Variants in ZNF534 observed in about 807,000 individuals in gnomAD.
The protein encoded by ZNF534 is KRAB domain only 3.
ZNF534 carries 19 observed loss-of-function variants against 13.6 expected under a neutral mutation model. The ratio of observed to expected loss-of-function variants is 1.40; its 90% CI spans 0.97 to 2.05. The LOEUF (loss-of-function observed/expected upper bound fraction) is 2.05, where lower values mean the gene tolerates loss of function less well. Ranked by LOEUF, ZNF534 falls within the 30% of genes most tolerant of loss-of-function variation. The pLI is 0.00. For missense variants in ZNF534, 782 were observed against 796.3 expected, an observed-to-expected ratio of 0.98 and a Z score of 0.22; for synonymous variants, 244 against 273.8, an observed-to-expected ratio of 0.89 and a Z score of 1.07.
downstream of ZNF534, among the ~76,000 whole-genome samples, chr19:52,444,129 G>T (rs975827562): frequency 6.6e-6 from 1 of 151,894 alleles, no homozygotes; most frequent in Non-Finnish European, 1.5e-5. Context: ...ATTTGGGTAG[G>T]CTGTCAGAGG....
chr19:52,439,158 G>A lies in ZNF534; in HGVS notation c.1698G>A (p.Ala566=), dbSNP rs113700997. The change falls in exon 5 of 5, where the codon GCG becomes GCA. Residue 566 remains alanine, a synonymous_variant. Transcript: ENST00000433050. ...GKVFSRNSHL[A]RHRNIHTGEK... is the part of the protein sequence containing the mutation. ...TCTTCAGTCGGAATTCACACCTTGC[G>A]CGACATAGGAATATTCATACTGGAG... 2.7e-5 allele frequency: 42 copies of A among 1,529,188 alleles called. 1 individual carries two copies. Among genetic ancestry groups the A allele is most frequent in the Admixed American group, 3.8e-5 (2 of 52,000 alleles). The allele number at this position is 1,529,188 out of a possible 1,614,324, so 94.7% of individuals were successfully genotyped here. A position where few individuals can be genotyped will look rare whatever the true frequency, so the allele number is the denominator to read the frequency against.
chr19:52,437,859 G>A lies in ZNF534; in HGVS notation c.399G>A (p.Lys133=), dbSNP rs377218145. ...FQAVRNIYGC[K]HVEKSISDNS... Reference sequence around the variant, plus strand: ...CTGTAAGGAATATTTATGGATGTAAGCATGTTGAGAAATCTATCAGTGACA... The same window carrying A: ...CTGTAAGGAATATTTATGGATGTAAACATGTTGAGAAATCTATCAGTGACA... The change falls in exon 5 of 5, where the codon AAG becomes AAA. Residue 133 remains lysine, a synonymous_variant. Transcript: ENST00000433050. 1.4e-5 allele frequency: 23 copies of A among 1,613,846 alleles called. No individual in the cohort carries two copies. The African/African-American group carries it at 2.8e-4, about 20-fold the overall frequency.
At chr19:52,451,674 C>T (rs114653548) in exon 5 of ZNF534, 239 of 665,136 alleles carry the variant, frequency 3.6e-4, no homozygotes, top group African/African-American at 2.7e-3. Context: ...GCGCTTCCTT[C>T]TGGATGTTAT....
rs4802939 is a variant in ZNF534, at chr19:52,439,795, A to G, written c.*349A>G. ...AAAAAAATGAGTGAAGCTGCCAAGCATGGTGGCTCACGCCTTTAATCCCAG... is the reference window on the plus strand; with the variant it reads ...AAAAAAATGAGTGAAGCTGCCAAGCGTGGTGGCTCACGCCTTTAATCCCAG... On this transcript the variant is annotated 3_prime_UTR_variant, in exon 5 of 5. Transcript: ENST00000433050. Among the ~76,000 whole-genome samples, 138,406 of 152,066 alleles carry G rather than the reference A, an allele frequency of 0.91. 63,402 individuals are homozygous for G. The highest frequency in any genetic ancestry group is 0.97 in the Non-Finnish European group (65,688 of 68,026).
chr19:52,446,018 G>C (rs868583436), downstream of ZNF534, among the ~76,000 whole-genome samples: 8 of 152,026 alleles, frequency 5.3e-5, no homozygotes, highest in African/African-American at 1.9e-4. Context: ...TATGAACTAG[G>C]TTCTGTATAA....
chr19:52,445,975 G>T (rs1475468742), downstream of ZNF534, among the ~76,000 whole-genome samples: 1 of 152,092 alleles, frequency 6.6e-6, no homozygotes, highest in East Asian at 1.9e-4. Flanking sequence ...ACAAAATTTT[G>T]TGACATGAAA....
At position 52,451,364 on chromosome 19, in the gene ZNF534, C is replaced by T. The variant is rs1047598140; in HGVS notation, c.449C>T (p.Ala150Val). Residue 150 changes from alanine (A) to valine (V), a missense_variant, in exon 5 of 5, where the codon GCG becomes GTG. Physicochemically the swap from Ala to Val is moderately conservative, Grantham distance 64. Transcript: ENST00000301085. ...GCTTCGCTTGGCGATGCAAAACGCGCGAGGCTCACGGCAGAGGGCCGAGGC... is the reference window on the plus strand; with the variant it reads ...GCTTCGCTTGGCGATGCAAAACGCGTGAGGCTCACGGCAGAGGGCCGAGGC... 8 of 984,706 alleles carry T rather than the reference C, an allele frequency of 8.1e-6. No individual in the cohort carries two copies. The East Asian group carries it at 1.8e-4, about 22-fold the overall frequency. The allele number at this position is 984,706 out of a possible 1,614,324, so 61.0% of individuals were successfully genotyped here.
Position 52,440,888 on chromosome 19 carries a change from T to G in ZNF534, c.*1442T>G, listed in dbSNP as rs2059167953. ...TAACTGTTCATTTTGTAATCCATAG[T>G]GGAGATAAGTCTTTTTTTTTTTTTT... On this transcript the variant is annotated 3_prime_UTR_variant, in exon 5 of 5. Transcript: ENST00000433050. Among the ~76,000 whole-genome samples the G allele has an allele frequency of 6.6e-6, 1 of 151,332 alleles. No individual in the cohort carries two copies. Among genetic ancestry groups the G allele is most frequent in the South Asian group, 2.1e-4 (1 of 4,812 alleles).
intron 3 of ZNF534, among the ~76,000 whole-genome samples, chr19:52,434,834 T>G (rs879416970): frequency 6.6e-6 from 1 of 152,208 alleles, no homozygotes; most frequent in South Asian, 2.1e-4. Flanking sequence ...TGAAACCTTA[T>G]GACAGACTTA....
At position 52,440,793 on chromosome 19, in the gene ZNF534, G is replaced by T. The variant is rs139087960; in HGVS notation, c.*1347G>T. On this transcript the variant is annotated 3_prime_UTR_variant, in exon 5 of 5. Transcript: ENST00000433050. ...GATTCTGTCTCAAAAAAAAAAAAAA[G>T]AATTCATACTGGAAGGAAGCGTTAC... Among the ~76,000 whole-genome samples, 840 of 143,508 alleles carry T rather than the reference G, an allele frequency of 5.9e-3. 3 individuals carry two copies. Among genetic ancestry groups the T allele is most frequent in the Admixed American group, 8.3e-3 (119 of 14,352 alleles). The allele number at this position is 143,508 out of a possible 152,430, so 94.1% of individuals were successfully genotyped here.
chr19:52,451,371 C>A, exon 5 of ZNF534: 2 of 950,416 alleles, frequency 2.1e-6, no homozygotes, highest in Non-Finnish European at 3.3e-6. Context: ...GCGCGAGGCT[C>A]ACGGCAGAGG....
chr19:52,445,687 A>G (rs899729835), downstream of ZNF534, among the ~76,000 whole-genome samples: 1 of 152,226 alleles, frequency 6.6e-6, no homozygotes, highest in African/African-American at 2.4e-5. Context: ...AACTTCCTTC[A>G]GAGGTCCTGT....
Position 52,439,195 on chromosome 19 carries a change from A to G in ZNF534, c.1735A>G (p.Ser579Gly). The change falls in exon 5 of 5, where the codon AGT becomes GGT. Residue 579 changes from serine (S) to glycine (G), a missense_variant. Physicochemically the swap from Ser to Gly is moderately conservative, Grantham distance 56. Around this residue, in one of 5 missense-constraint regions of ZNF534, gnomAD observed 591 missense variants for 574.0 expected, o/e 1.03. Coordinates refer to ENST00000433050, the MANE Select transcript of ZNF534 (RefSeq NM_001143938.3). Reference protein sequence around the residue: ...RNIHTGEKPHSCNECGKVFSR... With the variant: ...RNIHTGEKPHGCNECGKVFSR... ...TATTCATACTGGAGAGAAGCCTCAC[A>G]GTTGTAATGAATGTGGCAAGGTCTT... 2 of 1,537,418 alleles carry G rather than the reference A, an allele frequency of 1.3e-6. No homozygotes were observed. The highest frequency in any genetic ancestry group is 1.8e-6 in the Non-Finnish European group (2 of 1,136,774).
chr19:52,437,332 A>G (rs1326953538), intron 4 of ZNF534, among the ~76,000 whole-genome samples: 1 of 152,156 alleles, frequency 6.6e-6, no homozygotes, highest in Non-Finnish European at 1.5e-5. Flanking sequence ...AAGTATGCTG[A>G]TACTGGCCAG....
intron 4 of ZNF534, among the ~76,000 whole-genome samples, chr19:52,436,230 GC>G (rs2059128196): frequency 6.6e-6 from 1 of 152,052 alleles, no homozygotes; most frequent in Non-Finnish European, 1.5e-5. Context: ...GAGTCACCGT[GC>G]CCGGCCCTTA....
rs533395702 is a variant in ZNF534, at chr19:52,450,742, A to G, written c.272-445A>G. On this transcript the variant is annotated intron_variant, in intron 4 of 4. Transcript: ENST00000301085. The stretch of plus-strand genomic sequence containing the variant: ...GTCTCTATTGCCCAGGTTGGAGTGC[A>G]GTAGTGCGATTTCAGCTCACTGCAA... Among the ~76,000 whole-genome samples, 91 of 126,916 alleles carry G rather than the reference A, an allele frequency of 7.2e-4. 1 individual carries two copies. Among genetic ancestry groups the G allele is most frequent in the African/African-American group, 2.3e-3 (76 of 32,490 alleles). The allele number at this position is 126,916 out of a possible 152,430, so 83.3% of individuals were successfully genotyped here. A position where few individuals can be genotyped will look rare whatever the true frequency, so the allele number is the denominator to read the frequency against.
Position 52,431,406 on chromosome 19 carries a change from A to G in ZNF534, c.-67-2A>G, listed in dbSNP as rs932315871. 3 of 1,602,234 alleles carry G rather than the reference A, an allele frequency of 1.9e-6. No homozygotes were observed. Among genetic ancestry groups the G allele is most frequent in the Admixed American group, 1.7e-5 (1 of 59,860 alleles). On this transcript the variant is annotated splice_acceptor_variant, in intron 1 of 4. Transcript: ENST00000433050. LOFTEE classifies it low-confidence loss of function (5UTR_SPLICE). Reference sequence around the variant, plus strand: ...CCTAAACAGCATTATTTTTGATACTAGGATTCACTTTCAAAGAGACATATT... The same window carrying G: ...CCTAAACAGCATTATTTTTGATACTGGGATTCACTTTCAAAGAGACATATT...
exon 5 of ZNF534, chr19:52,451,923 G>C (rs2059218949): frequency 2.1e-6 from 1 of 479,128 alleles, no homozygotes; most frequent in African/African-American, 2.0e-5. Flanking sequence ...AGGAGGTTTT[G>C]GCTCTACCGG....
At chr19:52,433,545 T>C (rs1051347099) in intron 2 of ZNF534, among the ~76,000 whole-genome samples, 6 of 152,074 alleles carry the variant, frequency 3.9e-5, no homozygotes, top group Admixed American at 6.6e-5. Flanking sequence ...TTTTTGTATT[T>C]TTAGTAGAGA....
Sources: gnomAD v4.1 joint callset for allele counts (sites outside exome capture counted in the v4.1 genomes callset) on GRCh38, gnomAD v4.1.1 for gene constraint, gnomAD v4.1.1 regional missense constraint, MANE v1.5 for transcripts, NCBI Gene and HGNC (gene_info 2026-07-23, HGNC 2026-07-21) for gene names.